Variants in CCS observed in about 807,000 individuals in gnomAD.
CCS encodes copper chaperone for superoxide dismutase, also known as superoxide dismutase copper chaperone.
A neutral mutation model predicts 35.5 loss-of-function variants in CCS; 32 were observed. The observed-to-expected ratio is 0.90, with a 90% CI of 0.68 to 1.21. The LOEUF (loss-of-function observed/expected upper bound fraction) is 1.21. CCS is among the 50% of genes most tolerant of loss of function. The pLI is 0.00. For missense variants in CCS, 342 were observed against 375.4 expected, an observed-to-expected ratio of 0.91 and a Z score of 0.73; for synonymous variants, 130 against 147.2, an observed-to-expected ratio of 0.88 and a Z score of 0.84.
chr11:66,594,597 G>A (rs984964100), intron 2 of CCS, among the ~76,000 whole-genome samples: 1 of 151,722 alleles, frequency 6.6e-6, no homozygotes, highest in South Asian at 2.1e-4. Flanking sequence ...GCAACATGGC[G>A]AAAACCCTCC....
chr11:66,594,729 C>T lies in CCS; in HGVS notation c.112+1015C>T, dbSNP rs543964525. On this transcript the variant is annotated intron_variant, in intron 2 of 7. Coordinates refer to ENST00000533244, the MANE Select transcript of CCS (RefSeq NM_005125.2). The stretch of plus-strand genomic sequence containing the variant: ...AGGTGGAGGCTGCAGTGAGTTGGAT[C>T]GCTCCACTGCACTCCAGGCTGGGTG... Among the ~76,000 whole-genome samples the T allele has an allele frequency of 1.6e-4, 24 of 150,186 alleles. No individual in the cohort carries two copies. In the South Asian group the frequency reaches 3.8e-3, roughly 24 times the overall value.
chr11:66,599,826 T>C, intron 4 of CCS, 190 bp downstream of exon 4: 1 of 583,560 alleles, frequency 1.7e-6, no homozygotes, highest in South Asian at 2.3e-5. Flanking sequence ...TGAGTCAAGA[T>C]CTGACCTTGG....
intron 5 of CCS, among the ~76,000 whole-genome samples, chr11:66,603,946 G>T (rs1017302463): frequency 6.6e-6 from 1 of 151,966 alleles, no homozygotes; most frequent in Admixed American, 6.6e-5. Context: ...AGAATTGCTT[G>T]AACCTGGGGG....
At chr11:66,601,908 A>C (rs1030148432) in intron 5 of CCS, among the ~76,000 whole-genome samples, 1 of 133,494 alleles carries the variant, frequency 7.5e-6, no homozygotes, top group African/African-American at 2.8e-5. Context: ...TCTTTTTTTT[A>C]TTTTTAGTAG....
chr11:66,604,048 A>AATT (rs1565062400), intron 5 of CCS, among the ~76,000 whole-genome samples: 1,667 of 130,472 alleles, frequency 0.013, 33 homozygotes, highest in African/African-American at 0.042. Flanking sequence ...ATAAATAAAT[A>AATT]AATAAATTAA....
chr11:66,600,161 G>T, intron 4 of CCS: 1 of 232,252 alleles, frequency 4.3e-6, no homozygotes, highest in East Asian at 9.2e-5. Context: ...TGATCTTGAA[G>T]GTCCTGCTTA....
chr11:66,599,589 T>C lies in CCS; in HGVS notation c.381T>C (p.His127=). Residue 127 remains histidine, a synonymous_variant, in exon 4 of 8, where the codon CAT becomes CAC. Coordinates refer to ENST00000533244, the MANE Select transcript of CCS (RefSeq NM_005125.2). ...GTIDGLEPGL[H]GLHVHQYGDL... is the part of the protein sequence containing the mutation. Reference sequence around the variant, plus strand: ...TTGACGGCCTGGAGCCTGGGCTGCATGGACTCCACGTCCATCAGTACGGGG... The same window carrying C: ...TTGACGGCCTGGAGCCTGGGCTGCACGGACTCCACGTCCATCAGTACGGGG... The C allele has an allele frequency of 6.2e-7, 1 of 1,607,384 alleles. No homozygotes were observed. The highest frequency in any genetic ancestry group is 8.5e-7 in the Non-Finnish European group (1 of 1,177,878).
intron 4 of CCS, 27 bp downstream of exon 4, chr11:66,599,663 G>A (rs756974631): frequency 6.9e-5 from 111 of 1,601,644 alleles, no homozygotes; most frequent in Non-Finnish European, 8.6e-5. Context: ...CTCCCCAGTA[G>A]CATTCTCAGC....
At chr11:66,604,434 G>T (rs999775420) in intron 5 of CCS, among the ~76,000 whole-genome samples, 8 of 152,172 alleles carry the variant, frequency 5.3e-5, no homozygotes, top group Non-Finnish European at 1.0e-4. Context: ...TGAGATGCCT[G>T]GTTACTCAGC....
chr11:66,601,820 C>T (rs2134983714), intron 5 of CCS, among the ~76,000 whole-genome samples: 1 of 152,286 alleles, frequency 6.6e-6, no homozygotes. Flanking sequence ...GCAGACCTCC[C>T]TCCTCGGCCT....
At chr11:66,593,387 G>C (rs577188430) in intron 1 of CCS, 87 bp downstream of exon 1, 1 of 1,361,760 alleles carries the variant, frequency 7.3e-7, no homozygotes. Context: ...AGGAGAAGGA[G>C]TGGGCACTTG....
rs1858648075 is a variant in CCS at position 66,605,749 on chromosome 11, C to G, written c.719C>G (p.Pro240Arg). ...IARSAGLFQN[P>R]KQICSCDGLT... ...CGCTCCGCTGGCCTTTTCCAGAACC[C>G]CAAGCAGATCTGCTCTTGCGATGGC... Residue 240 changes from proline (P) to arginine (R), a missense_variant, in exon 8 of 8, where the codon CCC becomes CGC. Physicochemically the swap from Pro to Arg is moderately radical, Grantham distance 103. Coordinates refer to ENST00000533244, the MANE Select transcript of CCS (RefSeq NM_005125.2). 1 of 1,605,230 alleles carries G rather than the reference C, an allele frequency of 6.2e-7. No individual in the cohort carries two copies. The highest frequency in any genetic ancestry group is 1.1e-5 in the South Asian group (1 of 90,178).
At position 66,596,703 on chromosome 11, in the gene CCS, C is replaced by G. The variant is rs551667766; in HGVS notation, c.113-2413C>G. Among the ~76,000 whole-genome samples, 3 of 152,166 alleles carry G rather than the reference C, an allele frequency of 2.0e-5. No homozygotes were observed. In the South Asian group the frequency reaches 6.2e-4, roughly 32 times the overall value. On this transcript the variant is annotated intron_variant, in intron 2 of 7. Coordinates refer to ENST00000533244, the MANE Select transcript of CCS (RefSeq NM_005125.2). ...CCGACAACTGACTTTTGAACTTGAC[C>G]CTTGTGGACCTCACAGAGCTCCTGC...
At position 66,593,208 on chromosome 11, in the gene CCS, T is replaced by C. The variant is rs1317376720; in HGVS notation, c.-54T>C. On this transcript the variant is annotated 5_prime_UTR_variant, in exon 1 of 8. Coordinates refer to ENST00000533244, the MANE Select transcript of CCS (RefSeq NM_005125.2). ...TCAGTCCCCGCGACGCCGCGCTGGT[T>C]GGTGCTCCTGCGCCGGAGGAGTTCT... 15 of 1,542,244 alleles carry C rather than the reference T, an allele frequency of 9.7e-6. No homozygotes were observed. In the South Asian group the frequency reaches 1.4e-4, roughly 15 times the overall value.
In CCS at chr11:66,605,773, G is replaced by C. The variant is rs920101011; in HGVS notation, c.743G>C (p.Gly248Ala). ...CCCAAGCAGATCTGCTCTTGCGATGGCCTCACCATCTGGGAGGAGCGAGGC... is the reference window on the plus strand; with the variant it reads ...CCCAAGCAGATCTGCTCTTGCGATGCCCTCACCATCTGGGAGGAGCGAGGC... ...QNPKQICSCD[G>A]LTIWEERGRP... is the part of the protein sequence containing the mutation. The change falls in exon 8 of 8, where the codon GGC (glycine) becomes GCC (alanine). Residue 248 changes from glycine to alanine, a missense_variant. Coordinates refer to ENST00000533244, the MANE Select transcript of CCS (RefSeq NM_005125.2). The C allele has an allele frequency of 6.2e-7, 1 of 1,608,186 alleles. No homozygotes were observed. The highest frequency in any genetic ancestry group is 1.7e-5 in the Admixed American group (1 of 58,854).
Position 66,605,995 on chromosome 11 carries a change from A to T in CCS, c.*140A>T. The T allele has an allele frequency of 1.1e-6, 1 of 894,690 alleles. No homozygotes were observed. Among genetic ancestry groups the T allele is most frequent in the Non-Finnish European group, 1.5e-6 (1 of 650,730 alleles). 55.4% of individuals were successfully genotyped at this position (894,690 alleles called of 1,614,324 possible). A position where few individuals can be genotyped will look rare whatever the true frequency, so the allele number is the denominator to read the frequency against. On this transcript the variant is annotated 3_prime_UTR_variant, in exon 8 of 8. Transcript: ENST00000533244. The stretch of plus-strand genomic sequence containing the variant: ...AGCTGCTGTGGTGTTCCCTTGGCAA[A>T]TGAAAGTTTTATTTTCGTTTGGGAC...
At chr11:66,600,278 C>G (rs994711764) in intron 4 of CCS, 10 of 394,354 alleles carry the variant, frequency 2.5e-5, no homozygotes, top group Non-Finnish European at 4.0e-5. Flanking sequence ...GTTGTTTACT[C>G]ATCTGTGAGT....
In CCS at chr11:66,599,134, T is replaced by A; in HGVS notation, c.131T>A (p.Val44Glu). Reference sequence around the variant, plus strand: ...TTGCCAGGTGTCCAGGATGTGGAGGTGCACTTGGAGGACCAGATGGTCTTG... The same window carrying A: ...TTGCCAGGTGTCCAGGATGTGGAGGAGCACTTGGAGGACCAGATGGTCTTG... ...QGVAGVQDVEVHLEDQMVLVH... is the reference protein window; with the variant it reads ...QGVAGVQDVEEHLEDQMVLVH... The change falls in exon 3 of 8, where the codon GTG becomes GAG. Residue 44 changes from valine to glutamate, a missense_variant. Val to Glu is a moderately radical substitution (Grantham distance 121). Coordinates refer to ENST00000533244, the MANE Select transcript of CCS (RefSeq NM_005125.2). 1 of 1,613,930 alleles carries A rather than the reference T, an allele frequency of 6.2e-7. No homozygotes were observed. The highest frequency in any genetic ancestry group is 8.5e-7 in the Non-Finnish European group (1 of 1,179,978).
At chr11:66,599,080 A>C (rs1262381105) in intron 2 of CCS, 36 bp from the exon 3 acceptor site, 1 of 1,613,834 alleles carries the variant, frequency 6.2e-7, no homozygotes, top group Admixed American at 1.7e-5. Context: ...ACTGGGTGCC[A>C]GCCTCTGTTG....
Sources: gnomAD v4.1 joint callset for allele counts (sites outside exome capture counted in the v4.1 genomes callset) on GRCh38, gnomAD v4.1.1 for gene constraint, MANE v1.5 for transcripts, NCBI Gene and HGNC (gene_info 2026-07-23, HGNC 2026-07-21) for gene names.